HCN1: variants seen among roughly 807,000 people sequenced by gnomAD.
The protein encoded by HCN1 is hyperpolarization activated cyclic nucleotide gated potassium channel 1, also known as potassium/sodium hyperpolarization-activated cyclic nucleotide-gated channel 1.
A neutral mutation model predicts 78.9 loss-of-function variants in HCN1; 13 were observed. The observed-to-expected ratio is 0.16, with a 90% CI of 0.11 to 0.26. The LOEUF (loss-of-function observed/expected upper bound fraction) is 0.26, where lower values mean the gene tolerates loss of function less well. HCN1 is among the 10% of genes least tolerant of loss of function. The probability of loss-of-function intolerance (pLI) is 1.00; values close to 1 mark genes in which losing one functional copy is unlikely to be tolerated. For synonymous variants in HCN1, 552 were observed against 455.5 expected (o/e 1.21, Z -2.70); for missense variants, 810 against 1,154.3 (o/e 0.70, Z 4.32).
intron 3 of HCN1, among the ~76,000 whole-genome samples, chr5:45,429,391 T>A (rs1740417495): frequency 6.6e-6 from 1 of 152,118 alleles, no homozygotes; most frequent in African/African-American, 2.4e-5. Context: ...CCACTTCCAA[T>A]ATATATCCCT....
chr5:45,262,009 G>T lies in HCN1; in HGVS notation c.2585C>A (p.Pro862Gln), dbSNP rs751073592. The T allele has an allele frequency of 6.2e-7, 1 of 1,614,136 alleles. No individual in the cohort carries two copies. Among genetic ancestry groups the T allele is most frequent in the East Asian group, 2.2e-5 (1 of 44,862 alleles). Residue 862 changes from proline to glutamine, a missense_variant, in exon 8 of 8, where the codon CCA becomes CAA. Transcript: ENST00000303230. ...TTCTCTTGGAAGAGCAGCTGCTGGT[G>T]GAGGGGGTGCTGGAGGGACTCCTCG... The part of the protein sequence containing the change: ...PNRGVPPAPP[P>Q]PAAALPRESS...
chr5:45,428,660 T>A (rs538163882), intron 3 of HCN1, among the ~76,000 whole-genome samples: 1 of 152,234 alleles, frequency 6.6e-6, no homozygotes, highest in South Asian at 2.1e-4. Context: ...ACTGATTTAA[T>A]ATCTTTCATT....
In HCN1 at chr5:45,596,188, A is replaced by G. The variant is rs572572626; in HGVS notation, c.849+48997T>C. Among the ~76,000 whole-genome samples the G allele has an allele frequency of 1.1e-4, 16 of 152,088 alleles. No individual in the cohort carries two copies. In the East Asian group the frequency reaches 2.9e-3, roughly 28 times the overall value. On this transcript the variant is annotated intron_variant, in intron 2 of 7. Coordinates refer to ENST00000303230, the MANE Select transcript of HCN1 (RefSeq NM_021072.4). ...GCTGGGATTACAGGCATGAGCCACC[A>G]CGCCCAGCCCGGACTTATGATATTT...
chr5:45,545,540 G>T (rs1440470472), intron 2 of HCN1, among the ~76,000 whole-genome samples: 2 of 152,064 alleles, frequency 1.3e-5, no homozygotes, highest in Non-Finnish European at 2.9e-5. Flanking sequence ...TGTCCTGAAT[G>T]GTATTGCCTA....
chr5:45,454,117 T>C lies in HCN1; in HGVS notation c.1011+7729A>G, dbSNP rs574035800. ...ATCTCATCAATATCCTGTATCCCTC[T>C]CGATGATGAAATTATAGTTCGATTT... is the stretch of plus-strand genomic sequence containing the variant. On this transcript the variant is annotated intron_variant, in intron 3 of 7. Transcript: ENST00000303230. 1.2e-3 allele frequency among the ~76,000 whole-genome samples: 190 copies of C among 152,260 alleles called. 1 individual carries two copies. The highest frequency in any genetic ancestry group is 4.5e-3 in the African/African-American group (185 of 41,568).
intron 4 of HCN1, among the ~76,000 whole-genome samples, chr5:45,373,574 C>T (rs952025773): frequency 2.9e-5 from 4 of 137,662 alleles, no homozygotes; most frequent in African/African-American, 8.2e-5. Flanking sequence ...ACATTATATA[C>T]GTCATCTATA....
chr5:45,292,195 AC>A lies in HCN1; in HGVS notation c.1618+11403del, dbSNP rs555694378. Among the ~76,000 whole-genome samples the A allele has an allele frequency of 1.7e-3, 257 of 152,150 alleles. 1 individual carries two copies. The highest frequency in any genetic ancestry group is 3.3e-3 in the Admixed American group (51 of 15,248). On this transcript the variant is annotated intron_variant, in intron 6 of 7. Coordinates refer to ENST00000303230, the MANE Select transcript of HCN1 (RefSeq NM_021072.4). ...AATTTTCATTTATACCATTCTAGAT[AC>A]AATTTCCTTGCAAATCTCCATTATC...
At chr5:45,466,768 CA>C (rs923784367) in intron 2 of HCN1, among the ~76,000 whole-genome samples, 1 of 152,072 alleles carries the variant, frequency 6.6e-6, no homozygotes, top group Non-Finnish European at 1.5e-5. Flanking sequence ...GAAAGTCATT[CA>C]GGTCATCTTT....
At chr5:45,374,240 AT>A (rs1561130424) in intron 4 of HCN1, among the ~76,000 whole-genome samples, 8 of 119,016 alleles carry the variant, frequency 6.7e-5, no homozygotes, top group Middle Eastern at 4.3e-3. Flanking sequence ...CATAACATAT[AT>A]ATTATGTACA....
At chr5:45,521,111 C>A (rs1742604003) in intron 2 of HCN1, among the ~76,000 whole-genome samples, 1 of 151,558 alleles carries the variant, frequency 6.6e-6, no homozygotes, top group Non-Finnish European at 1.5e-5. Context: ...ACACTTGGAC[C>A]TGAAGAGACG....
At chr5:45,263,705 T>C (rs569723553) in intron 7 of HCN1, among the ~76,000 whole-genome samples, 45 of 152,294 alleles carry the variant, frequency 3.0e-4, no homozygotes, top group African/African-American at 1.0e-3. Flanking sequence ...ATCTAAATAA[T>C]CATACATGGG....
chr5:45,664,693 A>G (rs929874427), intron 1 of HCN1, among the ~76,000 whole-genome samples: 4 of 152,012 alleles, frequency 2.6e-5, no homozygotes, highest in African/African-American at 9.7e-5. Context: ...AAAACACATG[A>G]AAAAATGCTC....
chr5:45,402,866 C>CCTG (rs1739850510), intron 3 of HCN1, among the ~76,000 whole-genome samples: 6 of 97,176 alleles, frequency 6.2e-5, no homozygotes, highest in Non-Finnish European at 2.1e-5. Flanking sequence ...CTTCCTTCCT[C>CCTG]TACTTCCTTC....
chr5:45,371,702 A>G (rs1021839489), intron 4 of HCN1, among the ~76,000 whole-genome samples: 19 of 149,338 alleles, frequency 1.3e-4, no homozygotes, highest in Non-Finnish European at 2.1e-4. Context: ...GGTTGCAGTG[A>G]GCCAAGATAG....
intron 6 of HCN1, among the ~76,000 whole-genome samples, chr5:45,284,961 A>C (rs1399053635): frequency 1.3e-5 from 2 of 152,032 alleles, no homozygotes; most frequent in Non-Finnish European, 2.9e-5. Context: ...CTCTAAGTGG[A>C]ACTTCCACAA....
At chr5:45,380,732 T>G (rs1479632373) in intron 4 of HCN1, among the ~76,000 whole-genome samples, 1 of 152,084 alleles carries the variant, frequency 6.6e-6, no homozygotes, top group Non-Finnish European at 1.5e-5. Context: ...GTAGTTCCCA[T>G]TACACACTAT....
At chr5:45,561,268 T>A (rs946205981) in intron 2 of HCN1, among the ~76,000 whole-genome samples, 83 of 152,106 alleles carry the variant, frequency 5.5e-4, no homozygotes, top group Non-Finnish European at 1.5e-4. Flanking sequence ...CACACTTTTT[T>A]AAAAAATAAT....
Position 45,692,920 on chromosome 5 carries a change from T to C in HCN1, c.425+2749A>G, listed in dbSNP as rs569970044. On this transcript the variant is annotated intron_variant, in intron 1 of 7. Transcript: ENST00000303230. ...TTAAAAGTGTCAAGGAAAAGAATCC[T>C]CTGGATATCTTCATTTGTAATAACT... Among the ~76,000 whole-genome samples the C allele has an allele frequency of 1.4e-4, 22 of 152,296 alleles. No individual in the cohort carries two copies. In the South Asian group the frequency reaches 1.7e-3, roughly 11 times the overall value.
intron 4 of HCN1, among the ~76,000 whole-genome samples, chr5:45,354,240 C>T (rs908243217): frequency 6.6e-6 from 1 of 151,718 alleles, no homozygotes; most frequent in Non-Finnish European, 1.5e-5. Context: ...AGATATACAC[C>T]TTAAAGTTTG....
Sources: gnomAD v4.1 joint callset for allele counts (sites outside exome capture counted in the v4.1 genomes callset) on GRCh38, gnomAD v4.1.1 for gene constraint, MANE v1.5 for transcripts, NCBI Gene and HGNC (gene_info 2026-07-23, HGNC 2026-07-21) for gene names.